The following PIK3R3 variants were observed in gnomAD, a reference collection of about 807,000 sequenced individuals.
PIK3R3 encodes phosphoinositide-3-kinase regulatory subunit 3, also known as phosphatidylinositol 3-kinase regulatory subunit gamma.
Under a neutral mutation model 62.9 loss-of-function variants are expected in PIK3R3, and 64 were observed. The ratio of observed to expected loss-of-function variants is 1.02; its 90% CI spans 0.83 to 1.25. PIK3R3 has a LOEUF of 1.25. Ranked by LOEUF, PIK3R3 falls within the 50% of genes most tolerant of loss-of-function variation. The pLI is 0.00. For missense variants in PIK3R3, 614 were observed against 561.6 expected (o/e 1.09, Z -0.94); for synonymous variants, 165 against 189.0 (o/e 0.87, Z 1.04).
the PIK3R3 span, among the ~76,000 whole-genome samples, chr1:46,159,300 C>T: frequency 6.6e-6 from 1 of 152,074 alleles, no homozygotes; most frequent in East Asian, 1.9e-4. Context: ...AGGGGCAAAG[C>T]CCAGATTCAA....
At chr1:46,077,734 T>C (rs141219799) in intron 2 of PIK3R3, 121 bp from the exon 3 acceptor site, 243 of 643,264 alleles carry the variant, frequency 3.8e-4, no homozygotes, top group African/African-American at 2.4e-3. Context: ...CCTGAGGTTA[T>C]AGAATAACGG....
intron 1 of PIK3R3, among the ~76,000 whole-genome samples, chr1:46,099,455 T>A (rs896462212): frequency 1.3e-5 from 2 of 152,204 alleles, no homozygotes; most frequent in African/African-American, 4.8e-5. Context: ...CCAAATTCCC[T>A]TATTTTTCCC....
In PIK3R3 at chr1:46,132,329, A is replaced by T; in HGVS notation, c.-377T>A. 1 of 1,112,472 alleles carries T rather than the reference A, an allele frequency of 9.0e-7. No individual in the cohort carries two copies. Among genetic ancestry groups the T allele is most frequent in the South Asian group, 2.2e-5 (1 of 46,432 alleles). 68.9% of individuals were successfully genotyped at this position (1,112,472 alleles called of 1,614,324 possible). On this transcript the variant is annotated 5_prime_UTR_variant, in exon 1 of 10. Transcript: ENST00000262741. ...GCGGAAGCCACTTTTGTGTCCTTCGAAGGAGGGAGAATGAAGAGGAAAAAA... is the reference window on the plus strand; with the variant it reads ...GCGGAAGCCACTTTTGTGTCCTTCGTAGGAGGGAGAATGAAGAGGAAAAAA...
At chr1:46,124,723 G>A (rs1397168765) in intron 1 of PIK3R3, among the ~76,000 whole-genome samples, 3 of 150,086 alleles carry the variant, frequency 2.0e-5, no homozygotes, top group African/African-American at 7.4e-5. Context: ...TGGAACCCAG[G>A]AGGCGGAGGT....
In PIK3R3 at chr1:46,131,917, G is replaced by T; in HGVS notation, c.36C>A (p.Asp12Glu). 1.2e-6 allele frequency: 2 copies of T among 1,613,550 alleles called. No homozygotes were observed. Among genetic ancestry groups the T allele is most frequent in the Non-Finnish European group, 1.7e-6 (2 of 1,179,748 alleles). ...GCATCATCACCTCCCTCCAGTCTGC[G>T]TCATCGCGGTCCATACTCCACACCG... ...YNTVWSMDRDDADWREVMMPY... is the reference protein window; with the variant it reads ...YNTVWSMDRDEADWREVMMPY... The change falls in exon 1 of 10, where the codon GAC (aspartate) becomes GAA (glutamate). Residue 12 changes from aspartate to glutamate, a missense_variant. Transcript: ENST00000262741.
intron 7 of PIK3R3, among the ~76,000 whole-genome samples, chr1:46,047,759 T>C (rs918317300): frequency 1.4e-5 from 2 of 145,484 alleles, no homozygotes; most frequent in African/African-American, 4.9e-5. Flanking sequence ...TCCATTATTT[T>C]ATATTTTTGT....
At position 46,042,117 on chromosome 1, in the gene PIK3R3, T is replaced by C. The variant is rs1647007988; in HGVS notation, c.*1556A>G. The C allele has an allele frequency of 1.4e-5, 3 of 220,676 alleles. No individual in the cohort carries two copies. The highest frequency in any genetic ancestry group is 6.6e-5 in the East Asian group (1 of 15,178). 13.7% of individuals were successfully genotyped at this position (220,676 alleles called of 1,614,324 possible). ...CTCTGAGCCTATTATGGTCCCAGGA[T>C]TGGCTCAGAGGCAGCTGGACTCTAT... On this transcript the variant is annotated 3_prime_UTR_variant, in exon 10 of 10. Coordinates refer to ENST00000262741, the MANE Select transcript of PIK3R3 (RefSeq NM_003629.4). The surrounding 1 kb of genome is among the most constrained non-coding windows in gnomAD (Gnocchi z 4.3).
chr1:46,117,269 CAAA>C (rs899326299), intron 1 of PIK3R3, among the ~76,000 whole-genome samples: 6 of 151,794 alleles, frequency 4.0e-5, no homozygotes, highest in Admixed American at 2.6e-4. Context: ...CTCATCCCTA[CAAA>C]AAATCAAAAA....
At chr1:46,132,909 A>G (rs113972981), upstream of PIK3R3, 3 of 1,185,404 alleles carry the variant, frequency 2.5e-6, no homozygotes, top group African/African-American at 3.2e-5. Flanking sequence ...CCCAGCCTCA[A>G]TCAGAATGGT....
chr1:46,168,025 G>A, the PIK3R3 span, among the ~76,000 whole-genome samples: 220 of 152,162 alleles, frequency 1.4e-3, no homozygotes, highest in African/African-American at 5.1e-3. Flanking sequence ...GTGTGGTGGC[G>A]CATGCTTGTA....
intron 1 of PIK3R3, among the ~76,000 whole-genome samples, chr1:46,096,766 G>A (rs1652166558): frequency 6.6e-6 from 1 of 151,184 alleles, no homozygotes; most frequent in Non-Finnish European, 1.5e-5. Context: ...GCTTGAACCT[G>A]TGAGGTGGAG....
intron 1 of PIK3R3, among the ~76,000 whole-genome samples, chr1:46,120,445 C>T (rs1453199316): frequency 2.0e-5 from 3 of 152,048 alleles, no homozygotes; most frequent in African/African-American, 4.8e-5. Flanking sequence ...TGGTGGTGGG[C>T]GCCTGTAATC....
At chr1:46,144,179 A>C in the PIK3R3 span, among the ~76,000 whole-genome samples, 1 of 152,160 alleles carries the variant, frequency 6.6e-6, no homozygotes, top group South Asian at 2.1e-4. Flanking sequence ...CAATCTCTGG[A>C]GGTATTATGG....
In PIK3R3 at chr1:46,066,116, G is replaced by A; in HGVS notation, c.559C>T (p.Gln187Ter). The change falls in exon 5 of 10, where the codon CAG (glutamine) becomes TAG (stop). Residue 187 changes from glutamine to a stop codon, truncating the protein, a stop_gained. Transcript: ENST00000262741. LOFTEE classifies it high-confidence loss of function. ...VGKKLQEYHSQYQEKSKEYDR... is the reference protein window; with the variant it reads ...VGKKLQEYHS ...TACTCTTTACTCTTCTCCTGATACT[G>A]AGAGTGGTATTCTTGCAGTTTTTTA... is the stretch of plus-strand genomic sequence containing the variant. 6.3e-7 allele frequency: 1 copy of A among 1,597,242 alleles called. No individual in the cohort carries two copies. Among genetic ancestry groups the A allele is most frequent in the Non-Finnish European group, 8.6e-7 (1 of 1,165,136 alleles).
rs897831204 is a variant in PIK3R3 at position 46,132,540 on chromosome 1, G to A, written c.-588C>T. ...CGCAGCCTCGGGAATGGGGCCGGCCGGAGAAGTCCAGTCAGCTCGGCTTGT... is the reference window on the plus strand; with the variant it reads ...CGCAGCCTCGGGAATGGGGCCGGCCAGAGAAGTCCAGTCAGCTCGGCTTGT... On this transcript the variant is annotated 5_prime_UTR_variant, in exon 1 of 10. Transcript: ENST00000262741. 25 of 1,257,900 alleles carry A rather than the reference G, an allele frequency of 2.0e-5. No homozygotes were observed. The South Asian group carries it at 2.5e-4, about 12-fold the overall frequency. 77.9% of individuals were successfully genotyped at this position (1,257,900 alleles called of 1,614,324 possible). A position where few individuals can be genotyped will look rare whatever the true frequency, so the allele number is the denominator to read the frequency against.
intron 7 of PIK3R3, 21 bp downstream of exon 7, chr1:46,055,774 A>G: frequency 1.3e-6 from 2 of 1,534,256 alleles, no homozygotes; most frequent in Non-Finnish European, 1.8e-6. Context: ...CTCCCTCCCC[A>G]TACACTCCCA....
intron 1 of PIK3R3, among the ~76,000 whole-genome samples, chr1:46,081,694 C>T (rs1413713591): frequency 4.6e-5 from 7 of 152,142 alleles, no homozygotes; most frequent in African/African-American, 1.4e-4. Flanking sequence ...CCAATATGTA[C>T]ACTGAGCACC....
chr1:46,129,027 C>T (rs761527540), intron 1 of PIK3R3, among the ~76,000 whole-genome samples: 2 of 150,582 alleles, frequency 1.3e-5, no homozygotes, highest in Non-Finnish European at 3.0e-5. Flanking sequence ...GCCAAGATGG[C>T]GCCACTGCAC....
chr1:46,147,705 G>A, the PIK3R3 span, among the ~76,000 whole-genome samples: 1 of 152,134 alleles, frequency 6.6e-6, no homozygotes, highest in East Asian at 1.9e-4. Context: ...GATTACAGGC[G>A]TGAGCCACCA....
Sources: gnomAD v4.1 joint callset for allele counts (sites outside exome capture counted in the v4.1 genomes callset) on GRCh38, gnomAD v4.1.1 for gene constraint, Gnocchi (gnomAD v3.1) non-coding constraint, MANE v1.5 for transcripts, NCBI Gene and HGNC (gene_info 2026-07-23, HGNC 2026-07-21) for gene names.